GNPDA1: variants seen among roughly 807,000 people sequenced by gnomAD.
GNPDA1 encodes the protein GNPDA 1.
In GNPDA1, 24 loss-of-function variants were observed where a neutral mutation model predicts 28.5. That is an observed-to-expected ratio of 0.84 (90% CI 0.61 to 1.19). GNPDA1 has a LOEUF of 1.19. GNPDA1 is among the 50% of genes most tolerant of loss of function. The probability of loss-of-function intolerance (pLI) is 0.00; values close to 1 mark genes in which losing one functional copy is unlikely to be tolerated. For missense variants in GNPDA1, 264 were observed against 367.3 expected (o/e 0.72, Z 2.30); for synonymous variants, 147 against 139.3 (o/e 1.06, Z -0.39).
intron 6 of GNPDA1, among the ~76,000 whole-genome samples, chr5:142,002,518 C>T (rs991299777): frequency 2.2e-4 from 33 of 152,212 alleles, no homozygotes; most frequent in Admixed American, 4.6e-4. Context: ...TTTGGGAGGC[C>T]GAGGTGGGTG....
Position 142,007,814 on chromosome 5 carries a change from TG to T in GNPDA1, c.210del (p.Asn70LysfsTer90), listed in dbSNP as rs749634937. On this transcript the variant is annotated frameshift_variant, in exon 3 of 7. Transcript: ENST00000311337. LOFTEE classifies it high-confidence loss of function. ...DLSFKYVKTF[N>X]MDEYVGLPRD... ...AAAGACTCACCCACGTACTCATCCA[TG>T]TTGAAGGTCTTCACATATTTAAAGG... 6.3e-7 allele frequency: 1 copy of T among 1,596,624 alleles called. No individual in the cohort carries two copies. The highest frequency in any genetic ancestry group is 8.6e-7 in the Non-Finnish European group (1 of 1,164,118).
Position 142,012,055 on chromosome 5 carries a change from G to A in GNPDA1, c.-6-14C>T, listed in dbSNP as rs1755972601. ...CTTCATCTTGTCCTGCAGTGGGGGAGAGGGGATGACAGAAAGGAATCAATG... is the reference window on the plus strand; with the variant it reads ...CTTCATCTTGTCCTGCAGTGGGGGAAAGGGGATGACAGAAAGGAATCAATG... On this transcript the variant is annotated splice_polypyrimidine_tract_variant and intron_variant, in intron 1 of 6. Coordinates refer to ENST00000311337, the MANE Select transcript of GNPDA1 (RefSeq NM_005471.5). 1.3e-6 allele frequency: 2 copies of A among 1,579,326 alleles called. No individual in the cohort carries two copies. Among genetic ancestry groups the A allele is most frequent in the South Asian group, 2.2e-5 (2 of 89,368 alleles).
chr5:142,012,228 G>T lies in GNPDA1; in HGVS notation c.-6-187C>A, dbSNP rs1485602494. The T allele has an allele frequency of 6.3e-6, 3 of 478,694 alleles. No individual in the cohort carries two copies. In the Admixed American group the frequency reaches 9.7e-5, roughly 16 times the overall value. The allele number at this position is 478,694 out of a possible 1,614,324, so 29.7% of individuals were successfully genotyped here. A position where few individuals can be genotyped will look rare whatever the true frequency, so the allele number is the denominator to read the frequency against. ...AGGCCAGTCGTCTCCACCACCCACA[G>T]ACCACGAGGAGGCGCCACTGGGGGC... On this transcript the variant is annotated intron_variant, in intron 1 of 6. Transcript: ENST00000311337.
chr5:142,011,860 T>G, intron 2 of GNPDA1, 52 bp downstream of exon 2: 1 of 1,605,876 alleles, frequency 6.2e-7, no homozygotes, highest in South Asian at 1.1e-5. Flanking sequence ...TGGCCCCTGT[T>G]GCCTACTCTC....
chr5:142,003,266 G>T lies in GNPDA1; in HGVS notation c.595-4C>A, dbSNP rs1443322613. On this transcript the variant is annotated splice_region_variant and splice_polypyrimidine_tract_variant and intron_variant, in intron 5 of 6. Transcript: ENST00000311337. This position sits in a 1 kb window ranked among gnomAD's most constrained non-coding sequence, Gnocchi z 4.0. Reference sequence around the variant, plus strand: ...CACCTGTGATAAGGATCATCACCTGGGGATCAGAAAACAAGTCTGTGATGG... The same window carrying T: ...CACCTGTGATAAGGATCATCACCTGTGGATCAGAAAACAAGTCTGTGATGG... 1 of 1,603,694 alleles carries T rather than the reference G, an allele frequency of 6.2e-7. No individual in the cohort carries two copies. The highest frequency in any genetic ancestry group is 8.5e-7 in the Non-Finnish European group (1 of 1,172,938).
Position 142,003,181 on chromosome 5 carries a change from C to G in GNPDA1, c.676G>C (p.Val226Leu), listed in dbSNP as rs1755719387. 1 of 1,613,780 alleles carries G rather than the reference C, an allele frequency of 6.2e-7. No individual in the cohort carries two copies. The highest frequency in any genetic ancestry group is 8.5e-7 in the Non-Finnish European group (1 of 1,179,816). Residue 226 changes from valine (V) to leucine (L), a missense_variant, in exon 6 of 7, where the codon GTG becomes CTG. Coordinates refer to ENST00000311337, the MANE Select transcript of GNPDA1 (RefSeq NM_005471.5). The surrounding 1 kb of genome is among the most constrained non-coding windows in gnomAD (Gnocchi z 4.0). The part of the protein sequence containing the change: ...IEEGVNHMWT[V>L]SAFQQHPRTV... ...CGGGGATGCTGCTGGAAGGCAGACA[C>G]GGTCCACATGTGGTTCACTCCCTCC...
chr5:142,003,145 C>A lies in GNPDA1; in HGVS notation c.712G>T (p.Val238Leu), dbSNP rs770426124. ...TCCAAGGTGGCATCCTCGTCACACA[C>A]AAACACGGTGCGGGGATGCTGCTGG... is the stretch of plus-strand genomic sequence containing the variant. Reference protein sequence around the residue: ...AFQQHPRTVFVCDEDATLELK... With the variant: ...AFQQHPRTVFLCDEDATLELK... Residue 238 changes from valine (V) to leucine (L), a missense_variant, in exon 6 of 7, where the codon GTG becomes TTG. By Grantham distance (32) the Val-to-Leu change is conservative (BLOSUM62 1). Coordinates refer to ENST00000311337, the MANE Select transcript of GNPDA1 (RefSeq NM_005471.5). The surrounding 1 kb of genome is among the most constrained non-coding windows in gnomAD (Gnocchi z 4.0). 2 of 1,614,158 alleles carry A rather than the reference C, an allele frequency of 1.2e-6. No individual in the cohort carries two copies. Among genetic ancestry groups the A allele is most frequent in the South Asian group, 2.2e-5 (2 of 91,088 alleles).
chr5:142,009,607 C>T (rs886986734), intron 2 of GNPDA1, among the ~76,000 whole-genome samples: 6 of 152,106 alleles, frequency 3.9e-5, no homozygotes, highest in African/African-American at 9.7e-5. Flanking sequence ...GGCAGCTCCC[C>T]GCAGCCCACC....
chr5:142,004,637 G>A (rs1234644942), intron 5 of GNPDA1, among the ~76,000 whole-genome samples: 1 of 152,184 alleles, frequency 6.6e-6, no homozygotes, highest in Non-Finnish European at 1.5e-5. Context: ...TAGCGATGCT[G>A]GCCTCCTCTC....
intron 2 of GNPDA1, among the ~76,000 whole-genome samples, chr5:142,009,194 G>A (rs1755879520): frequency 6.6e-6 from 1 of 151,708 alleles, no homozygotes; most frequent in African/African-American, 2.4e-5. Context: ...TTGAAATTTT[G>A]CAAACTAAAA....
At chr5:142,004,170 G>C (rs781750974) in intron 5 of GNPDA1, among the ~76,000 whole-genome samples, 11 of 152,102 alleles carry the variant, frequency 7.2e-5, no homozygotes, top group Non-Finnish European at 1.6e-4. Context: ...CCAAGCTGCA[G>C]AGCTAAAAAC....
chr5:142,006,045 G>C (rs1412034384), intron 4 of GNPDA1, 99 bp downstream of exon 4: 1 of 980,690 alleles, frequency 1.0e-6, no homozygotes, highest in African/African-American at 1.6e-5. Flanking sequence ...ACGGTCACTA[G>C]CACACCCAGA....
At chr5:142,012,753 G>A (rs1444798549) in intron 1 of GNPDA1, 3 of 951,592 alleles carry the variant, frequency 3.2e-6, no homozygotes, top group South Asian at 4.9e-5. Flanking sequence ...AGGACATTTT[G>A]TTCCCCCAGC....
Position 142,001,914 on chromosome 5 carries a change from C to A in GNPDA1, c.*115G>T, listed in dbSNP as rs1385037891. The A allele has an allele frequency of 2.0e-6, 1 of 507,862 alleles. No homozygotes were observed. The highest frequency in any genetic ancestry group is 3.5e-6 in the Non-Finnish European group (1 of 287,136). The allele number at this position is 507,862 out of a possible 1,614,324, so 31.5% of individuals were successfully genotyped here. ...CATGGCCAAGAACAATAAGTTCACC[C>A]ACTTATCTGGAGTAACCATACTAGA... is the stretch of plus-strand genomic sequence containing the variant. On this transcript the variant is annotated 3_prime_UTR_variant, in exon 7 of 7. Coordinates refer to ENST00000311337, the MANE Select transcript of GNPDA1 (RefSeq NM_005471.5).
chr5:142,003,052 C>G lies in GNPDA1; in HGVS notation c.769+36G>C. The G allele has an allele frequency of 6.3e-7, 1 of 1,584,380 alleles. No homozygotes were observed. The highest frequency in any genetic ancestry group is 8.6e-7 in the Non-Finnish European group (1 of 1,161,276). ...CTCCTTACTCCTAGCACACCCTAAG[C>G]TTGACCACCTCCTCCTGGACCCACA... On this transcript the variant is annotated intron_variant, in intron 6 of 6. Coordinates refer to ENST00000311337, the MANE Select transcript of GNPDA1 (RefSeq NM_005471.5). The surrounding 1 kb of genome is among the most constrained non-coding windows in gnomAD (Gnocchi z 4.0).
At chr5:142,008,266 C>T (rs182778532) in intron 2 of GNPDA1, among the ~76,000 whole-genome samples, 1 of 152,222 alleles carries the variant, frequency 6.6e-6, no homozygotes, top group African/African-American at 2.4e-5. Flanking sequence ...GTGATAAGGA[C>T]ACAGGGGAGC....
At chr5:142,007,994 G>A in intron 2 of GNPDA1, 94 bp from the exon 3 acceptor site, 1 of 723,760 alleles carries the variant, frequency 1.4e-6, no homozygotes, top group Non-Finnish European at 2.5e-6. Flanking sequence ...CTCACAGGGA[G>A]AACCTGTCAG....
At chr5:142,007,942 A>C in intron 2 of GNPDA1, 42 bp from the exon 3 acceptor site, 1 of 1,129,526 alleles carries the variant, frequency 8.9e-7, no homozygotes, top group Non-Finnish European at 1.4e-6. Context: ...TTGCACCCCA[A>C]GTCTGGAAGC....
At position 142,006,336 on chromosome 5, in the gene GNPDA1, C is replaced by G. The variant is rs200209576; in HGVS notation, c.227-10G>C. 1 of 1,607,200 alleles carries G rather than the reference C, an allele frequency of 6.2e-7. No individual in the cohort carries two copies. Among genetic ancestry groups the G allele is most frequent in the African/African-American group, 1.3e-5 (1 of 74,906 alleles). On this transcript the variant is annotated splice_polypyrimidine_tract_variant and intron_variant, in intron 3 of 6. Transcript: ENST00000311337. ...TGGTCTCGAGGAAGGCCTGTGGGGC[C>G]GTGAGACACTCGGTTATGCCTAGGC... is the stretch of plus-strand genomic sequence containing the variant.
Sources: gnomAD v4.1 joint callset for allele counts (sites outside exome capture counted in the v4.1 genomes callset) on GRCh38, gnomAD v4.1.1 for gene constraint, Gnocchi (gnomAD v3.1) non-coding constraint, MANE v1.5 for transcripts, NCBI Gene and HGNC (gene_info 2026-07-23, HGNC 2026-07-21) for gene names.